XBP1: variants seen among roughly 807,000 people sequenced by gnomAD.
XBP1 encodes the protein X-box-binding protein 1.
XBP1 carries 18 observed loss-of-function variants against 34.6 expected under a neutral mutation model. The ratio of observed to expected loss-of-function variants is 0.52; its 90% CI spans 0.36 to 0.77. XBP1 has a LOEUF of 0.77. XBP1 is among the 30% of genes least tolerant of loss of function. XBP1 has a pLI of 0.00. For synonymous variants in XBP1, 191 were observed against 193.4 expected, an observed-to-expected ratio of 0.99 and a Z score of 0.11; for missense variants, 422 against 464.6, an observed-to-expected ratio of 0.91 and a Z score of 0.84.
exon 1 of XBP1, chr22:28,800,482 G>C (rs957598990): frequency 1.3e-6 from 2 of 1,485,254 alleles, no homozygotes; most frequent in South Asian, 2.6e-5. Flanking sequence ...AGAACTTTAG[G>C]GGTCCCGTCG....
intron 1 of XBP1, 197 bp downstream of exon 1, chr22:28,800,101 A>G: frequency 1.4e-6 from 1 of 734,406 alleles, no homozygotes. Context: ...GGGCCGCCCT[A>G]GGTTCCCAGC....
intron 2 of XBP1, among the ~76,000 whole-genome samples, chr22:28,798,302 CT>C (rs71316865): frequency 2.1e-3 from 254 of 123,144 alleles, no homozygotes; most frequent in Non-Finnish European, 2.0e-3. Flanking sequence ...CTTAGATTAA[CT>C]TTTTTTTTTT....
intron 5 of XBP1, 140 bp from the exon 6 acceptor site, chr22:28,795,872 T>C: frequency 8.3e-7 from 1 of 1,209,340 alleles, no homozygotes; most frequent in Non-Finnish European, 1.2e-6. Flanking sequence ...GACCCATTTA[T>C]CTACACTTCA....
At position 28,797,312 on chromosome 22, in the gene XBP1, C is replaced by T. The variant is rs1036294146; in HGVS notation, c.325-107G>A. The T allele has an allele frequency of 6.0e-6, 8 of 1,333,700 alleles. No individual in the cohort carries two copies. The Admixed American group carries it at 1.8e-4, about 30-fold the overall frequency. 82.6% of individuals were successfully genotyped at this position (1,333,700 alleles called of 1,614,324 possible). On this transcript the variant is annotated intron_variant, in intron 2 of 5. Transcript: ENST00000344347. ...CTTTCCTTCTTGAACTTTTGGAAAA[C>T]TCTATGCTTGTGGTGTTCATAGTAG...
exon 3 of XBP1, chr22:28,797,119 C>G: frequency 6.2e-7 from 1 of 1,613,074 alleles, no homozygotes; most frequent in South Asian, 1.1e-5. Flanking sequence ...CATCCATCCC[C>G]AAGCGCTGTC....
chr22:28,797,382 A>G (rs2031770476), intron 2 of XBP1, among the ~76,000 whole-genome samples, 177 bp from the exon 3 acceptor site: 1 of 152,226 alleles, frequency 6.6e-6, no homozygotes, highest in African/African-American at 2.4e-5. Flanking sequence ...AAGCTACTTA[A>G]TAAGTGCCAC....
chr22:28,800,313 T>C (rs1269892884), exon 1 of XBP1: 1 of 1,556,614 alleles, frequency 6.4e-7, no homozygotes. Flanking sequence ...CAGCGCCTTC[T>C]CCTCGGGGCT....
chr22:28,795,076 C>G, downstream of XBP1: 4 of 1,182,876 alleles, frequency 3.4e-6, no homozygotes, highest in Non-Finnish European at 4.6e-6. Flanking sequence ...ACTGTATACT[C>G]TCTATTTTGG....
chr22:28,800,333 G>A (rs750170715), exon 1 of XBP1: 306 of 1,551,300 alleles, frequency 2.0e-4, no homozygotes, highest in Non-Finnish European at 2.5e-4. Flanking sequence ...TCAGGTGCGT[G>A]AGGCGCTGTC....
chr22:28,799,195 CTTAT>C lies in XBP1; in HGVS notation c.228-46_228-43del, dbSNP rs757843810. 8.1e-6 allele frequency: 12 copies of C among 1,486,716 alleles called. No homozygotes were observed. In the African/African-American group the frequency reaches 1.7e-4, roughly 21 times the overall value. The allele number at this position is 1,486,716 out of a possible 1,614,324, so 92.1% of individuals were successfully genotyped here. ...CATACCACACTGAGTCATATCAAAC[CTTAT>C]TTATGTCTTTATTTGAAAACTTTAC... On this transcript the variant is annotated intron_variant, in intron 1 of 5. Transcript: ENST00000344347.
At chr22:28,797,865 A>G (rs1405738234) in intron 2 of XBP1, among the ~76,000 whole-genome samples, 2 of 151,922 alleles carry the variant, frequency 1.3e-5, no homozygotes, top group Admixed American at 6.6e-5. Flanking sequence ...TAATAATAAA[A>G]GTGGTAGTGG....
intron 1 of XBP1, chr22:28,800,087 C>T (rs1305604474): frequency 6.8e-6 from 5 of 737,268 alleles, no homozygotes; most frequent in African/African-American, 1.8e-5. Context: ...CAGAAAAGAG[C>T]CCTGGGCCGC....
At chr22:28,796,222 G>A (rs777136977) in intron 3 of XBP1, 30 bp from the exon 4 acceptor site, 12 of 1,498,134 alleles carry the variant, frequency 8.0e-6, no homozygotes, top group South Asian at 2.7e-5. Context: ...TGAATAAACA[G>A]CTTCAAGTGC....
At chr22:28,796,243 G>A in intron 3 of XBP1, 51 bp from the exon 4 acceptor site, 1 of 1,481,330 alleles carries the variant, frequency 6.8e-7, no homozygotes, top group Non-Finnish European at 9.0e-7. Context: ...CCAAGGAAAT[G>A]CTTGCTAGAC....
exon 6 of XBP1, chr22:28,795,492 T>A: frequency 2.5e-6 from 4 of 1,614,200 alleles, no homozygotes; most frequent in Non-Finnish European, 3.4e-6. Flanking sequence ...TGGCTCTCTG[T>A]CTCAGAGGGT....
intron 1 of XBP1, 64 bp downstream of exon 1, chr22:28,800,234 T>A (rs917403845): frequency 1.3e-6 from 2 of 1,504,146 alleles, no homozygotes; most frequent in Admixed American, 2.0e-5. Context: ...TCCCAGCCCC[T>A]GCCCCTGCCC....
chr22:28,800,043 C>T (rs534421307), intron 1 of XBP1: 1 of 774,366 alleles, frequency 1.3e-6, no homozygotes, highest in African/African-American at 1.8e-5. Flanking sequence ...GCATCCCCAG[C>T]TCTGGTCATC....
At chr22:28,800,322 C>G in exon 1 of XBP1, 1 of 1,553,622 alleles carries the variant, frequency 6.4e-7, no homozygotes, top group Non-Finnish European at 8.7e-7. Context: ...CTCCTCGGGG[C>G]TCAGGTGCGT....
chr22:28,795,680 T>C lies in XBP1; in HGVS notation c.626A>G (p.Lys209Arg), dbSNP rs112130171. 6.4e-5 allele frequency: 101 copies of C among 1,578,676 alleles called. No homozygotes were observed. The African/African-American group carries it at 1.0e-3, about 16-fold the overall frequency. ...GCTGGCAGGCTCTGGGGAAGGGCAT[T>C]TGAAGAACATGACTGGGTCCAAGTT... The change falls in exon 6 of 6, where the codon AAA (lysine) becomes AGA (arginine). Residue 209 changes from lysine (K) to arginine (R), a missense_variant. Around this residue, in one of 3 missense-constraint regions of XBP1, gnomAD observed 292 missense variants for 339.9 expected, o/e 0.86. Transcript: ENST00000344347.
Sources: gnomAD v4.1 joint callset for allele counts (sites outside exome capture counted in the v4.1 genomes callset) on GRCh38, gnomAD v4.1.1 for gene constraint, gnomAD v4.1.1 regional missense constraint, MANE v1.5 for transcripts, NCBI Gene and HGNC (gene_info 2026-07-23, HGNC 2026-07-21) for gene names.